ULK4: variants seen among roughly 807,000 people sequenced by gnomAD.
ULK4 encodes unc-51 like kinase 4.
ULK4 carries 133 observed loss-of-function variants against 160.6 expected under a neutral mutation model. The observed-to-expected ratio is 0.83, with a 90% CI of 0.72 to 0.96. The LOEUF (loss-of-function observed/expected upper bound fraction) is 0.96, where lower values mean the gene tolerates loss of function less well. Ranked by LOEUF, ULK4 falls within the 40% of genes least tolerant of loss-of-function variation. ULK4 has a pLI of 0.00. For missense variants in ULK4, 1,580 were observed against 1,499.5 expected (o/e 1.05, Z -0.89); for synonymous variants, 534 against 539.8 (o/e 0.99, Z 0.15).
chr3:41,906,564 C>T (rs1698569012), intron 12 of ULK4, among the ~76,000 whole-genome samples: 1 of 151,158 alleles, frequency 6.6e-6, no homozygotes, highest in Non-Finnish European at 1.5e-5. Context: ...TAACACATGA[C>T]ACAGCAATTC....
intron 18 of ULK4, among the ~76,000 whole-genome samples, chr3:41,831,517 T>TTATATATATATATATA (rs201753249): frequency 2.3e-5 from 3 of 132,648 alleles, no homozygotes; most frequent in African/African-American, 6.5e-5. Flanking sequence ...TATTGTTATT[T>TTATATATATATATATA]TATATATATA....
At chr3:41,456,944 C>T (rs1305272415) in intron 33 of ULK4, among the ~76,000 whole-genome samples, 1 of 152,176 alleles carries the variant, frequency 6.6e-6, no homozygotes, top group African/African-American at 2.4e-5. Flanking sequence ...ACAACTTGCA[C>T]ATCTCAAAAG....
At chr3:41,852,921 T>A (rs1396709988) in intron 17 of ULK4, among the ~76,000 whole-genome samples, 1 of 152,036 alleles carries the variant, frequency 6.6e-6, no homozygotes, top group Non-Finnish European at 1.5e-5. Context: ...GAAGCAGTGG[T>A]GAAAAAAATC....
At chr3:41,359,863 T>C (rs906328969) in intron 35 of ULK4, among the ~76,000 whole-genome samples, 1 of 152,150 alleles carries the variant, frequency 6.6e-6, no homozygotes, top group Admixed American at 6.5e-5. Flanking sequence ...GACACAGGCA[T>C]GGGCAAAGAT....
intron 12 of ULK4, 85 bp downstream of exon 12, chr3:41,907,760 T>C: frequency 2.4e-6 from 2 of 843,978 alleles, no homozygotes; most frequent in Non-Finnish European, 3.4e-6. Context: ...TTTGTAATTA[T>C]TAACATAATT....
At chr3:41,934,243 T>C (rs1452753760) in intron 4 of ULK4, among the ~76,000 whole-genome samples, 2 of 152,192 alleles carry the variant, frequency 1.3e-5, no homozygotes, top group East Asian at 1.9e-4. Flanking sequence ...AGCACTACAA[T>C]GACAGTTGAG....
intron 31 of ULK4, among the ~76,000 whole-genome samples, chr3:41,592,915 A>G (rs1229883351): frequency 6.6e-6 from 1 of 152,016 alleles, no homozygotes; most frequent in Non-Finnish European, 1.5e-5. Flanking sequence ...TTTTAAACTG[A>G]TGTCACTTCC....
At chr3:41,495,991 A>T (rs1029886803) in intron 32 of ULK4, among the ~76,000 whole-genome samples, 1 of 152,130 alleles carries the variant, frequency 6.6e-6, no homozygotes, top group Non-Finnish European at 1.5e-5. Flanking sequence ...GATAATACTT[A>T]ATAAAATATT....
In ULK4 at chr3:41,681,582, C is replaced by T. The variant is rs747073727; in HGVS notation, c.2904G>A (p.Gly968=). 8.1e-6 allele frequency: 13 copies of T among 1,613,832 alleles called. No individual in the cohort carries two copies. Among genetic ancestry groups the T allele is most frequent in the Middle Eastern group, 3.3e-4 (2 of 6,080 alleles). The change falls in exon 29 of 37, where the codon GGG becomes GGA. Residue 968 remains glycine, a synonymous_variant. Coordinates refer to ENST00000301831, the MANE Select transcript of ULK4 (RefSeq NM_017886.4). The stretch of plus-strand genomic sequence containing the variant: ...CAACACTGGCCTTCTCCTTGCCATC[C>T]CCAAACTCCTGGTTCACGAGTAGAG... ...TTSLLVNQEF[G]DGKEKASVDS...
At chr3:41,854,014 C>T (rs1487636380) in intron 17 of ULK4, 1 of 152,186 alleles carries the variant, frequency 6.6e-6, no homozygotes, top group Non-Finnish European at 1.5e-5. Context: ...CCATTCTTCC[C>T]TCCCTCGAAG....
rs187408459 is a variant in ULK4 at position 41,946,262 on chromosome 3, A to C, written c.139-8065T>G. Reference sequence around the variant, plus strand: ...AATAACACAGGTGAATCTCAAAAACATCTTAAGGAAAAGAAGTGTGACACA... The same window carrying C: ...AATAACACAGGTGAATCTCAAAAACCTCTTAAGGAAAAGAAGTGTGACACA... On this transcript the variant is annotated intron_variant, in intron 2 of 36. Transcript: ENST00000301831. Among the ~76,000 whole-genome samples, 167 of 152,348 alleles carry C rather than the reference A, an allele frequency of 1.1e-3. 1 individual carries two copies. Among genetic ancestry groups the C allele is most frequent in the Admixed American group, 9.1e-3 (139 of 15,298 alleles).
chr3:41,257,580 C>T (rs2078857313), intron 35 of ULK4, among the ~76,000 whole-genome samples: 1 of 151,278 alleles, frequency 6.6e-6, no homozygotes, highest in Non-Finnish European at 1.5e-5. Flanking sequence ...CTTCAGTGAG[C>T]CATGATCAAG....
chr3:41,450,280 A>G (rs1227066020), intron 34 of ULK4, among the ~76,000 whole-genome samples: 1 of 152,156 alleles, frequency 6.6e-6, no homozygotes. Flanking sequence ...ATCTTATACT[A>G]TGGTTACCAA....
At chr3:41,653,071 G>A (rs976938877) in intron 30 of ULK4, among the ~76,000 whole-genome samples, 27 of 149,168 alleles carry the variant, frequency 1.8e-4, no homozygotes, top group African/African-American at 6.2e-4. Context: ...TGCCTATCCC[G>A]GGCCCAGCTA....
Position 41,663,610 on chromosome 3 carries a change from G to A in ULK4, c.3068C>T (p.Thr1023Ile). 1.2e-6 allele frequency: 2 copies of A among 1,613,172 alleles called. No homozygotes were observed. The highest frequency in any genetic ancestry group is 1.7e-6 in the Non-Finnish European group (2 of 1,179,180). The part of the protein sequence containing the change: ...VAMTEHNPTF[T>I]RLVEESKLIP... ...AAGAAATTTGAACTTCCAGTACCTT[G>A]TGAAAGTTGGGTTGTGTTCAGTCAT... The change falls in exon 30 of 37, where the codon ACA (threonine) becomes ATA (isoleucine). Residue 1023 changes from threonine (T) to isoleucine (I), a missense_variant. Physicochemically the swap from Thr to Ile is moderately conservative, Grantham distance 89. Coordinates refer to ENST00000301831, the MANE Select transcript of ULK4 (RefSeq NM_017886.4).
At chr3:41,577,416 A>G (rs1575439993) in intron 31 of ULK4, among the ~76,000 whole-genome samples, 1 of 152,232 alleles carries the variant, frequency 6.6e-6, no homozygotes, top group African/African-American at 2.4e-5. Flanking sequence ...CATGTAATGC[A>G]TAATAATCAC....
At chr3:41,292,801 G>A (rs890906035) in intron 35 of ULK4, among the ~76,000 whole-genome samples, 2 of 152,084 alleles carry the variant, frequency 1.3e-5, no homozygotes, top group African/African-American at 4.8e-5. Context: ...AAAATTAGCT[G>A]GGTGTGGTGG....
intron 27 of ULK4, among the ~76,000 whole-genome samples, chr3:41,692,679 C>G (rs2036349809): frequency 6.6e-6 from 1 of 151,098 alleles, no homozygotes; most frequent in African/African-American, 2.4e-5. Flanking sequence ...ATGGAATAAT[C>G]CAAGGAATTT....
intron 34 of ULK4, among the ~76,000 whole-genome samples, chr3:41,436,576 C>T (rs1041161862): frequency 6.6e-6 from 1 of 152,188 alleles, no homozygotes; most frequent in Non-Finnish European, 1.5e-5. Context: ...TAACTCCCTA[C>T]ATCTCTCAAA....
Sources: allele counts gnomAD v4.1 joint callset (sites outside exome capture counted in the v4.1 genomes callset), GRCh38; gene constraint gnomAD v4.1.1; transcripts MANE v1.5; gene names NCBI Gene and HGNC (gene_info 2026-07-23, HGNC 2026-07-21).